HEATR4: variants seen among roughly 807,000 people sequenced by gnomAD.
HEATR4 encodes HEAT repeat containing 4.
HEATR4 carries 95 observed loss-of-function variants against 108.8 expected under a neutral mutation model. That is an observed-to-expected ratio of 0.87 (90% confidence interval 0.74 to 1.04). The LOEUF (loss-of-function observed/expected upper bound fraction) is 1.04, where lower values mean the gene tolerates loss of function less well. Among genes scored for constraint, HEATR4 ranks in the 50% least tolerant of loss-of-function variants. HEATR4 has a pLI of 0.00. For synonymous variants in HEATR4, 443 were observed against 459.4 expected (o/e 0.96, Z 0.46); for missense variants, 1,152 against 1,253.8 (o/e 0.92, Z 1.23).
At chr14:73,483,749 G>A (rs1885339559) in intron 17 of HEATR4, among the ~76,000 whole-genome samples, 1 of 152,060 alleles carries the variant, frequency 6.6e-6, no homozygotes, top group Non-Finnish European at 1.5e-5. Flanking sequence ...TCAAATGGAT[G>A]CATTTAAATT....
Position 73,532,045 on chromosome 14 carries a change from TA to T in HEATR4, c.-151-1802del, listed in dbSNP as rs111448868. ...GAAGTGCAGTCTCAAAAAATAAAAA[TA>T]AAAAAACCCTCTAGATGTATGCGGC... On this transcript the variant is annotated intron_variant, in intron 1 of 17. Coordinates refer to ENST00000553558, the MANE Select transcript of HEATR4 (RefSeq NM_001220484.1). Among the ~76,000 whole-genome samples the T allele has an allele frequency of 3.0e-4, 34 of 112,862 alleles. 7 individuals carry two copies. Among genetic ancestry groups the T allele is most frequent in the African/African-American group, 9.5e-4 (33 of 34,692 alleles). The allele number at this position is 112,862 out of a possible 152,430, so 74.0% of individuals were successfully genotyped here.
rs1365054951 is a variant in HEATR4, at chr14:73,556,607, C to T, written c.-152+2144G>A. On this transcript the variant is annotated intron_variant, in intron 1 of 17. Transcript: ENST00000553558. ...CTTGTCTTTGTCTGTCTTGGAGTCA[C>T]GGGACAGGTGTAAGGCCAAATTGTG... Among the ~76,000 whole-genome samples, 8 of 113,432 alleles carry T rather than the reference C, an allele frequency of 7.1e-5. 3 individuals are homozygous for T. In the East Asian group the frequency reaches 4.2e-3, roughly 59 times the overall value. 74.4% of individuals were successfully genotyped at this position (113,432 alleles called of 152,430 possible).
chr14:73,632,551 G>A, the HEATR4 span, among the ~76,000 whole-genome samples: 2 of 151,764 alleles, frequency 1.3e-5, no homozygotes, highest in African/African-American at 4.8e-5. Flanking sequence ...AAACAGAAAT[G>A]TAATATACTT....
At position 73,522,834 on chromosome 14, in the gene HEATR4, G is replaced by T. The variant is rs371706286; in HGVS notation, c.319C>A (p.Gln107Lys). The change falls in exon 3 of 18, where the codon CAG becomes AAG. Residue 107 changes from glutamine to lysine, a missense_variant. Gln to Lys is a moderately conservative substitution (Grantham distance 53). Coordinates refer to ENST00000553558, the MANE Select transcript of HEATR4 (RefSeq NM_001220484.1). ...YNTNDIIHTP[Q>K]IRKARPQKPV... ...TTCTGAGGCCGGGCCTTCCTGATCT[G>T]GGGAGTATGGATGATGTCATTGGTA... 2 of 1,614,072 alleles carry T rather than the reference G, an allele frequency of 1.2e-6. No homozygotes were observed. The highest frequency in any genetic ancestry group is 1.7e-6 in the Non-Finnish European group (2 of 1,180,038).
At chr14:73,491,836 G>A in intron 17 of HEATR4, 2 of 1,608,622 alleles carry the variant, frequency 1.2e-6, no homozygotes, top group Non-Finnish European at 1.7e-6. Flanking sequence ...GACGACGCGA[G>A]ACCCTGAACC....
the HEATR4 span, chr14:73,591,940 T>G: frequency 2.2e-6 from 3 of 1,359,992 alleles, no homozygotes; most frequent in South Asian, 1.9e-5. Context: ...GACCTTTGAA[T>G]TCCCCGCTCC....
chr14:73,607,268 C>A, the HEATR4 span, among the ~76,000 whole-genome samples: 3 of 152,186 alleles, frequency 2.0e-5, no homozygotes, highest in Non-Finnish European at 4.4e-5. Flanking sequence ...CAAGATTGCA[C>A]CACTGCACTC....
chr14:73,579,714 T>C, the HEATR4 span, among the ~76,000 whole-genome samples: 1 of 151,910 alleles, frequency 6.6e-6, no homozygotes, highest in East Asian at 1.9e-4. Context: ...CCACTGCACC[T>C]GGCCATCATG....
chr14:73,553,331 A>AC (rs1489073336), intron 1 of HEATR4, among the ~76,000 whole-genome samples: 1 of 112,630 alleles, frequency 8.9e-6, no homozygotes, highest in Non-Finnish European at 1.9e-5. Flanking sequence ...ACATGGTGAG[A>AC]CCCCATCTCT....
chr14:73,625,891 C>CT, the HEATR4 span, among the ~76,000 whole-genome samples: 1 of 152,174 alleles, frequency 6.6e-6, no homozygotes, highest in Non-Finnish European at 1.5e-5. Flanking sequence ...ACAATGGCCT[C>CT]TAAGTGTTCA....
the HEATR4 span, chr14:73,619,725 T>C: frequency 3.1e-6 from 5 of 1,613,990 alleles, no homozygotes; most frequent in African/African-American, 1.3e-5. Flanking sequence ...CAATATTCTA[T>C]GGAGGTGAGC....
rs777669136 is a variant in HEATR4, at chr14:73,508,172, G to A, written c.1843C>T (p.Gln615Ter). The change falls in exon 9 of 18, where the codon CAG (glutamine) becomes TAG (stop). Residue 615 changes from glutamine (Q) to a stop codon, truncating the protein, a stop_gained. Coordinates refer to ENST00000553558, the MANE Select transcript of HEATR4 (RefSeq NM_001220484.1). LOFTEE classifies it high-confidence loss of function. The part of the protein sequence containing the change: ...FTKKNEDTEE[Q>*]SYILLSYLSE... ...AGATAGCTCAGGAGGATATAAGACTGTTCCTCAGTGTCCTCATTCTTCTTT... is the reference window on the plus strand; with the variant it reads ...AGATAGCTCAGGAGGATATAAGACTATTCCTCAGTGTCCTCATTCTTCTTT... The A allele has an allele frequency of 6.2e-7, 1 of 1,614,104 alleles. No homozygotes were observed.
Position 73,502,909 on chromosome 14 carries a change from C to A in HEATR4, c.2091G>T (p.Val697=), listed in dbSNP as rs1268538392. 1 of 1,612,620 alleles carries A rather than the reference C, an allele frequency of 6.2e-7. No individual in the cohort carries two copies. Among genetic ancestry groups the A allele is most frequent in the Non-Finnish European group, 8.5e-7 (1 of 1,178,886 alleles). Residue 697 remains valine, a synonymous_variant, in exon 11 of 18, where the codon GTG becomes GTT. Transcript: ENST00000553558. ...ALGQMSLGKE[V]HDIIRVKLGQ... ...CTGGGTCTTACCTGATTATGTCGTG[C>A]ACCTCTTTCCCGAGGCTCATTTGCC...
the HEATR4 span, among the ~76,000 whole-genome samples, chr14:73,621,462 A>G: frequency 6.6e-6 from 1 of 152,162 alleles, no homozygotes; most frequent in African/African-American, 2.4e-5. Context: ...CCTACTGAGA[A>G]GGACTGGGAC....
Position 73,522,520 on chromosome 14 carries a change from G to T in HEATR4, c.633C>A (p.Asn211Lys), listed in dbSNP as rs193290409. 1.9e-6 allele frequency: 3 copies of T among 1,614,184 alleles called. No individual in the cohort carries two copies. Among genetic ancestry groups the T allele is most frequent in the Non-Finnish European group, 2.5e-6 (3 of 1,180,030 alleles). Residue 211 changes from asparagine to lysine, a missense_variant, in exon 3 of 18, where the codon AAC becomes AAA. Physicochemically the swap from Asn to Lys is moderately conservative, Grantham distance 94. Transcript: ENST00000553558. ...TCTGGATCCATCGGGCTGTGCGCTC[G>T]TTCAGCTTTTCCAGCACAGTGGCCT... ...AWEATVLEKL[N>K]ERTARWIQSK...
At chr14:73,511,596 T>C (rs759107338) in intron 7 of HEATR4, among the ~76,000 whole-genome samples, 4 of 151,032 alleles carry the variant, frequency 2.6e-5, no homozygotes, top group Non-Finnish European at 5.9e-5. Flanking sequence ...GGCTCTTGGC[T>C]GGGCACAGTG....
intron 1 of HEATR4, among the ~76,000 whole-genome samples, chr14:73,554,583 G>A (rs564590997): frequency 8.7e-6 from 1 of 114,722 alleles, no homozygotes; most frequent in African/African-American, 2.8e-5. Context: ...AATCCTGATG[G>A]TTACTATGTG....
chr14:73,595,185 A>G, the HEATR4 span: 8 of 1,614,132 alleles, frequency 5.0e-6, no homozygotes, highest in East Asian at 2.2e-5. Flanking sequence ...ACAGCCATCA[A>G]CTATAAGCAC....
intron 11 of HEATR4, among the ~76,000 whole-genome samples, chr14:73,500,949 T>A (rs11628191): frequency 0.18 from 27,288 of 152,136 alleles, 2,769 homozygotes; most frequent in Non-Finnish European, 0.22. Context: ...AATGCAGGGC[T>A]TTCAGTTACA....
Sources: allele counts gnomAD v4.1 joint callset (sites outside exome capture counted in the v4.1 genomes callset), GRCh38; gene constraint gnomAD v4.1.1; transcripts MANE v1.5; gene names NCBI Gene and HGNC (gene_info 2026-07-23, HGNC 2026-07-21).